Variants in ABCA12 observed in about 807,000 individuals in gnomAD.
ABCA12 encodes glucosylceramide transporter ABCA12.
A neutral mutation model predicts 293.5 loss-of-function variants in ABCA12; 156 were observed. The ratio of observed to expected loss-of-function variants is 0.53; its 90% CI spans 0.47 to 0.61. The LOEUF is 0.61. ABCA12 is among the 20% of genes least tolerant of loss of function. ABCA12 has a pLI of 0.00. For missense variants in ABCA12, 2,797 were observed against 3,090.2 expected, an observed-to-expected ratio of 0.91 and a Z score of 2.25; for synonymous variants, 1,063 against 1,108.0, an observed-to-expected ratio of 0.96 and a Z score of 0.81.
rs557045876 is a variant in ABCA12, at chr2:215,066,377, G to A, written c.164-2158C>T. Among the ~76,000 whole-genome samples the A allele has an allele frequency of 2.6e-4, 40 of 152,160 alleles. No individual in the cohort carries two copies. In the East Asian group the frequency reaches 5.4e-3, roughly 21 times the overall value. On this transcript the variant is annotated intron_variant, in intron 2 of 52. Coordinates refer to ENST00000272895, the MANE Select transcript of ABCA12 (RefSeq NM_173076.3). ...CTATGCCACTTATCAGCATGATGGC[G>A]TGGCTGAGTCAGGCAGTACTGAAAA...
chr2:215,118,333 T>C (rs975916889), intron 1 of ABCA12, among the ~76,000 whole-genome samples: 6 of 151,870 alleles, frequency 4.0e-5, no homozygotes, highest in African/African-American at 1.2e-4. Context: ...ACCCAAGAGA[T>C]GGAGGTTGCA....
chr2:215,006,739 C>T (rs1407328297), intron 19 of ABCA12, among the ~76,000 whole-genome samples: 2 of 152,106 alleles, frequency 1.3e-5, no homozygotes, highest in Admixed American at 6.5e-5. Context: ...AGGTTGTCAC[C>T]ATTCCTGCCA....
In ABCA12 at chr2:215,026,958, T is replaced by C. The variant is rs757562709; in HGVS notation, c.1062-20A>G. ...AGGAGCCTGCAGAATTAGAAAAGAA[T>C]ATAGAAATTAAGACATATAAAAGTA... On this transcript the variant is annotated intron_variant, in intron 9 of 52. Coordinates refer to ENST00000272895, the MANE Select transcript of ABCA12 (RefSeq NM_173076.3). 5.3e-6 allele frequency: 8 copies of C among 1,504,550 alleles called. No individual in the cohort carries two copies. In the South Asian group the frequency reaches 7.9e-5, roughly 15 times the overall value. The allele number at this position is 1,504,550 out of a possible 1,614,324, so 93.2% of individuals were successfully genotyped here. A position where few individuals can be genotyped will look rare whatever the true frequency, so the allele number is the denominator to read the frequency against.
At chr2:215,124,170 T>G (rs1015785843) in intron 1 of ABCA12, among the ~76,000 whole-genome samples, 1 of 152,230 alleles carries the variant, frequency 6.6e-6, no homozygotes, top group Non-Finnish European at 1.5e-5. Flanking sequence ...ACTTGTTGAT[T>G]GATGGGCATT....
intron 2 of ABCA12, among the ~76,000 whole-genome samples, chr2:215,104,149 G>T (rs1336649375): frequency 6.6e-6 from 1 of 152,074 alleles, no homozygotes; most frequent in Non-Finnish European, 1.5e-5. Context: ...GAAGACATTT[G>T]GTTCCCATGG....
chr2:214,981,881 C>T (rs2105965751), intron 30 of ABCA12, among the ~76,000 whole-genome samples: 1 of 145,204 alleles, frequency 6.9e-6, no homozygotes, highest in East Asian at 2.0e-4. Flanking sequence ...TCAAGTGATT[C>T]TCCAGCCTCA....
chr2:214,991,731 T>C (rs1348661786), intron 23 of ABCA12, among the ~76,000 whole-genome samples: 2 of 152,178 alleles, frequency 1.3e-5, no homozygotes, highest in East Asian at 1.9e-4. Context: ...TCTCTCTCAA[T>C]TGATATTCTT....
At chr2:215,069,464 T>C (rs1701695153) in intron 2 of ABCA12, among the ~76,000 whole-genome samples, 1 of 152,148 alleles carries the variant, frequency 6.6e-6, no homozygotes, top group South Asian at 2.1e-4. Context: ...TTTGTAATAA[T>C]TTATTAACGT....
chr2:215,009,591 T>C (rs1461974300), intron 18 of ABCA12, among the ~76,000 whole-genome samples: 1 of 152,206 alleles, frequency 6.6e-6, no homozygotes, highest in Non-Finnish European at 1.5e-5. Context: ...TCACAGTTTT[T>C]ATAAAAATGG....
chr2:215,052,902 G>A (rs1701349286), intron 4 of ABCA12, among the ~76,000 whole-genome samples: 1 of 151,906 alleles, frequency 6.6e-6, no homozygotes, highest in African/African-American at 2.4e-5. Context: ...TCATTTCTGT[G>A]CAGGCCTGGA....
rs529193930 is a variant in ABCA12, at chr2:215,084,199, G to A, written c.164-19980C>T. ...AACCATATCACATGATGTTGCCCAG[G>A]CTGGTCCCAAACTCCTGGGCTCACG... is the stretch of plus-strand genomic sequence containing the variant. On this transcript the variant is annotated intron_variant, in intron 2 of 52. Coordinates refer to ENST00000272895, the MANE Select transcript of ABCA12 (RefSeq NM_173076.3). Among the ~76,000 whole-genome samples the A allele has an allele frequency of 3.3e-5, 5 of 152,132 alleles. No homozygotes were observed. The South Asian group carries it at 6.2e-4, about 19-fold the overall frequency.
At position 214,978,849 on chromosome 2, in the gene ABCA12, G is replaced by A. The variant is rs770933683; in HGVS notation, c.4932C>T (p.Asp1644=). ...LLRALDNGMG[D]LNIGCYGISD... ...AAATGCCGTAGCACCCGATGTTGAGGTCACCCATGCCATTGTCGAGTGCCC... is the reference window on the plus strand; with the variant it reads ...AAATGCCGTAGCACCCGATGTTGAGATCACCCATGCCATTGTCGAGTGCCC... Residue 1644 remains aspartate (D), a synonymous_variant, in exon 32 of 53, where the codon GAC becomes GAT. Transcript: ENST00000272895. The A allele has an allele frequency of 6.2e-7, 1 of 1,614,050 alleles. No individual in the cohort carries two copies. Among genetic ancestry groups the A allele is most frequent in the Non-Finnish European group, 8.5e-7 (1 of 1,179,982 alleles).
chr2:214,992,493 G>T (rs1574968536), intron 23 of ABCA12, among the ~76,000 whole-genome samples: 1 of 100,584 alleles, frequency 9.9e-6, no homozygotes, highest in Non-Finnish European at 2.0e-5. Context: ...CATGATTAAT[G>T]TTAAGCCTAT....
chr2:215,076,211 C>G (rs113588091), intron 2 of ABCA12, among the ~76,000 whole-genome samples: 1 of 152,140 alleles, frequency 6.6e-6, no homozygotes, highest in Non-Finnish European at 1.5e-5. Context: ...TTATGTGACC[C>G]GTGGCTTGCT....
rs1698059188 is a variant in ABCA12, at chr2:214,931,606, C to T, written c.*1028G>A. ...AAACAGTCATGCCAAAGCTGACAAACTTGTATAGATACACACACATACACG... is the reference window on the plus strand; with the variant it reads ...AAACAGTCATGCCAAAGCTGACAAATTTGTATAGATACACACACATACACG... On this transcript the variant is annotated 3_prime_UTR_variant, in exon 53 of 53. Coordinates refer to ENST00000272895, the MANE Select transcript of ABCA12 (RefSeq NM_173076.3). 6.6e-6 allele frequency: 1 copy of T among 152,614 alleles called. No homozygotes were observed. Among genetic ancestry groups the T allele is most frequent in the Admixed American group, 6.5e-5 (1 of 15,280 alleles). 9.5% of individuals were successfully genotyped at this position (152,614 alleles called of 1,614,324 possible).
intron 23 of ABCA12, among the ~76,000 whole-genome samples, chr2:214,994,664 T>C (rs369490572): frequency 6.6e-6 from 1 of 152,238 alleles, no homozygotes; most frequent in Admixed American, 6.5e-5. Context: ...TTGTTTTTTT[T>C]AGTATGATAT....
At chr2:215,098,185 C>T (rs2106113988) in intron 2 of ABCA12, among the ~76,000 whole-genome samples, 1 of 152,286 alleles carries the variant, frequency 6.6e-6, no homozygotes, top group Middle Eastern at 3.4e-3. Context: ...GTTTAAATGT[C>T]AAAGTACAAC....
chr2:215,006,755 C>A (rs1700259843), intron 19 of ABCA12, among the ~76,000 whole-genome samples: 1 of 151,772 alleles, frequency 6.6e-6, no homozygotes, highest in South Asian at 2.1e-4. Flanking sequence ...TGCCAATTTT[C>A]TTTTCTCCAA....
In ABCA12 at chr2:215,064,126, GGT is replaced by G; in HGVS notation, c.255_256del (p.Pro86LeufsTer9). 1.9e-6 allele frequency: 3 copies of G among 1,612,844 alleles called. No homozygotes were observed. Among genetic ancestry groups the G allele is most frequent in the Non-Finnish European group, 1.7e-6 (2 of 1,179,220 alleles). On this transcript the variant is annotated frameshift_variant, in exon 3 of 53. Coordinates refer to ENST00000272895, the MANE Select transcript of ABCA12 (RefSeq NM_173076.3). LOFTEE classifies it high-confidence loss of function. ...ACGAAGCAGATCTTGTGGGCCATAG[GGT>G]GTGTCTTTGCATTTAGAGTCTGTGT...
Sources: gnomAD v4.1 joint callset for allele counts (sites outside exome capture counted in the v4.1 genomes callset) on GRCh38, gnomAD v4.1.1 for gene constraint, MANE v1.5 for transcripts, NCBI Gene and HGNC (gene_info 2026-07-23, HGNC 2026-07-21) for gene names.